The following PHF12 variants were observed in gnomAD, a reference collection of about 807,000 sequenced individuals.
PHF12 encodes the protein PHD factor 1.
Under a neutral mutation model 99.8 loss-of-function variants are expected in PHF12, and 6 were observed. The ratio of observed to expected loss-of-function variants is 0.06; its 90% CI spans 0.03 to 0.12. The LOEUF is 0.12. Ranked by LOEUF, PHF12 falls within the 10% of genes least tolerant of loss-of-function variation. The pLI is 1.00. For synonymous variants in PHF12, 480 were observed against 514.9 expected (o/e 0.93, Z 0.92); for missense variants, 954 against 1,300.1 (o/e 0.73, Z 4.09).
intron 3 of PHF12, chr17:28,925,748 T>A (rs940903473): frequency 7.9e-5 from 12 of 152,224 alleles, no homozygotes; most frequent in African/African-American, 2.9e-4. Context: ...CTTTCTAAAA[T>A]GGAAACCTAC....
chr17:28,913,287 AAGGAG>A lies in PHF12; in HGVS notation c.1294-15_1294-11del. 6.3e-7 allele frequency: 1 copy of A among 1,593,870 alleles called. No homozygotes were observed. The highest frequency in any genetic ancestry group is 1.1e-5 in the South Asian group (1 of 88,472). ...CAACACTACAGAGCCACTGCAATGG[AAGGAG>A]AGGAGAGGGGGGTGAGAAGCCTGAG... On this transcript the variant is annotated splice_polypyrimidine_tract_variant and intron_variant, in intron 8 of 14. Coordinates refer to ENST00000332830, the MANE Select transcript of PHF12 (RefSeq NM_001033561.2).
chr17:28,913,119 G>C lies in PHF12; in HGVS notation c.1452C>G (p.Asp484Glu). Residue 484 changes from aspartate to glutamate, a missense_variant, in exon 9 of 15, where the codon GAC becomes GAG. By Grantham distance (45) the Asp-to-Glu change is conservative. This residue lies in a region of PHF12 where 392 missense variants were observed against 423.1 expected (regional missense o/e 0.93). Coordinates refer to ENST00000332830, the MANE Select transcript of PHF12 (RefSeq NM_001033561.2). ...SSVTTSLQTA[D>E]KTPTPSHYPL... ...GGTAGTGGGAAGGTGTAGGTGTCTTGTCAGCTGTTTGCAGGGAGGTGGTGA... is the reference window on the plus strand; with the variant it reads ...GGTAGTGGGAAGGTGTAGGTGTCTTCTCAGCTGTTTGCAGGGAGGTGGTGA... 1 of 1,614,206 alleles carries C rather than the reference G, an allele frequency of 6.2e-7. No homozygotes were observed. Among genetic ancestry groups the C allele is most frequent in the Non-Finnish European group, 8.5e-7 (1 of 1,180,022 alleles).
At chr17:28,943,794 T>C (rs1372923587) in intron 2 of PHF12, among the ~76,000 whole-genome samples, 1 of 152,228 alleles carries the variant, frequency 6.6e-6, no homozygotes, top group African/African-American at 2.4e-5. Flanking sequence ...AATGGAATAT[T>C]GTTTAGCCAT....
Position 28,906,050 on chromosome 17 carries a change from C to T in PHF12, c.*133G>A. 1.1e-6 allele frequency: 1 copy of T among 875,792 alleles called. No individual in the cohort carries two copies. The highest frequency in any genetic ancestry group is 1.6e-6 in the Non-Finnish European group (1 of 608,090). The allele number at this position is 875,792 out of a possible 1,614,324, so 54.3% of individuals were successfully genotyped here. A position where few individuals can be genotyped will look rare whatever the true frequency, so the allele number is the denominator to read the frequency against. ...TAAAAAACAGTCAAAAGGTTTTCTTCATTTCATGCAAAGATTGTAGTTGAA... is the reference window on the plus strand; with the variant it reads ...TAAAAAACAGTCAAAAGGTTTTCTTTATTTCATGCAAAGATTGTAGTTGAA... On this transcript the variant is annotated 3_prime_UTR_variant, in exon 15 of 15. Coordinates refer to ENST00000332830, the MANE Select transcript of PHF12 (RefSeq NM_001033561.2). This position sits in a 1 kb window ranked among gnomAD's most constrained non-coding sequence, Gnocchi z 4.2.
At chr17:28,931,325 G>C (rs1370958927) in intron 2 of PHF12, among the ~76,000 whole-genome samples, 1 of 149,538 alleles carries the variant, frequency 6.7e-6, no homozygotes, top group Non-Finnish European at 1.5e-5. Flanking sequence ...GCGCGATCTT[G>C]GCTCACTGCA....
At chr17:28,920,352 C>T (rs530060665) in intron 5 of PHF12, among the ~76,000 whole-genome samples, 1 of 152,300 alleles carries the variant, frequency 6.6e-6, no homozygotes, top group African/African-American at 2.4e-5. Flanking sequence ...CCAACAAGTC[C>T]AGCTTCAGTA....
At chr17:28,914,595 C>T (rs563718851) in intron 7 of PHF12, among the ~76,000 whole-genome samples, 381 of 142,278 alleles carry the variant, frequency 2.7e-3, no homozygotes, top group Non-Finnish European at 4.3e-3. Flanking sequence ...TGGCATGAAC[C>T]CGGGAGGCGG....
At position 28,917,397 on chromosome 17, in the gene PHF12, A is replaced by C. The variant is rs531179366; in HGVS notation, c.1022T>G (p.Phe341Cys). 6.2e-7 allele frequency: 1 copy of C among 1,614,046 alleles called. No individual in the cohort carries two copies. The highest frequency in any genetic ancestry group is 1.1e-5 in the South Asian group (1 of 91,066). ...LSNRCQVFDR[F>C]QDTVSQHVVK... ...GACATGCTGCGAAACGGTGTCCTGG[A>C]AACGATCAAACACCTGGCACCGATT... Residue 341 changes from phenylalanine to cysteine, a missense_variant, in exon 7 of 15, where the codon TTC becomes TGC. Physicochemically the swap from Phe to Cys is radical, Grantham distance 205. Around this residue, in one of 8 missense-constraint regions of PHF12, gnomAD observed 85 missense variants for 196.6 expected, o/e 0.43. Coordinates refer to ENST00000332830, the MANE Select transcript of PHF12 (RefSeq NM_001033561.2).
intron 2 of PHF12, chr17:28,944,577 G>A (rs1161230758): frequency 1.1e-6 from 1 of 922,904 alleles, no homozygotes; most frequent in Non-Finnish European, 1.3e-6. Flanking sequence ...AACCTGGAAG[G>A]CGGAGATTGC....
chr17:28,951,089 C>A lies in PHF12; in HGVS notation c.-129G>T. ...TTCCCAATACGGGTCCCGACTTCCT[C>A]GCCCTGGCTCCCCCCCACCCCCCGG... is the stretch of plus-strand genomic sequence containing the variant. On this transcript the variant is annotated 5_prime_UTR_variant, in exon 1 of 15. Transcript: ENST00000332830. The A allele has an allele frequency of 6.8e-7, 1 of 1,479,696 alleles. No homozygotes were observed. The highest frequency in any genetic ancestry group is 1.3e-5 in the South Asian group (1 of 75,850). 91.7% of individuals were successfully genotyped at this position (1,479,696 alleles called of 1,614,324 possible).
chr17:28,908,698 C>G (rs2039910766), intron 12 of PHF12, 85 bp downstream of exon 12: 2 of 1,352,354 alleles, frequency 1.5e-6, no homozygotes, highest in African/African-American at 1.4e-5. Flanking sequence ...GCTTCCCTCA[C>G]CCCTTTCTAA....
intron 2 of PHF12, among the ~76,000 whole-genome samples, chr17:28,947,610 C>G (rs879937127): frequency 6.6e-6 from 1 of 151,780 alleles, no homozygotes; most frequent in Non-Finnish European, 1.5e-5. Flanking sequence ...AAAACAACAA[C>G]AAAAAAAACT....
chr17:28,910,962 C>G (rs1047107027), intron 10 of PHF12, 150 bp downstream of exon 10: 28 of 1,114,190 alleles, frequency 2.5e-5, no homozygotes, highest in Non-Finnish European at 3.1e-5. Flanking sequence ...CCCGCCCCCC[C>G]ATCCAAAAGG....
chr17:28,923,653 C>CAAAAAAAAAAAAAAAAAAAAAAAAAAAA (rs35263191), intron 4 of PHF12, among the ~76,000 whole-genome samples: 21 of 43,482 alleles, frequency 4.8e-4, no homozygotes, highest in African/African-American at 5.8e-4. Context: ...GTGAGACTCA[C>CAAAAAAAAAAAAAAAAAAAAAAAAAAAA]AAAAAAAAAA....
intron 2 of PHF12, among the ~76,000 whole-genome samples, chr17:28,937,657 G>C (rs1463788721): frequency 6.6e-6 from 1 of 152,124 alleles, no homozygotes; most frequent in African/African-American, 2.4e-5. Flanking sequence ...ACCTGGATAC[G>C]AGTGTTACTA....
At chr17:28,943,188 T>C (rs2040652001) in intron 2 of PHF12, among the ~76,000 whole-genome samples, 1 of 152,170 alleles carries the variant, frequency 6.6e-6, no homozygotes, top group African/African-American at 2.4e-5. Context: ...GTGGAGAAAT[T>C]AGAACCCTCC....
chr17:28,928,258 C>A (rs545947154), intron 2 of PHF12: 1 of 152,290 alleles, frequency 6.6e-6, no homozygotes, highest in African/African-American at 2.4e-5. Context: ...AACAGAAAAA[C>A]CACCCAGCAG....
chr17:28,917,441 C>T lies in PHF12; in HGVS notation c.978G>A (p.Gln326=), dbSNP rs1477212424. 1 of 1,607,000 alleles carries T rather than the reference C, an allele frequency of 6.2e-7. No homozygotes were observed. Among genetic ancestry groups the T allele is most frequent in the African/African-American group, 1.3e-5 (1 of 74,818 alleles). ...ACCGATTGCTCAGTGTCATATTCTT[C>T]TGGTTCAGCTAGGGACAAAGCAGAC... ...PNHIEHVVLN[Q]KNMTLSNRCQ... Residue 326 remains glutamine, a synonymous_variant, in exon 7 of 15, where the codon CAG becomes CAA. Coordinates refer to ENST00000332830, the MANE Select transcript of PHF12 (RefSeq NM_001033561.2).
intron 9 of PHF12, 159 bp from the exon 10 acceptor site, chr17:28,911,396 T>C: frequency 9.7e-7 from 1 of 1,032,850 alleles, no homozygotes; most frequent in Non-Finnish European, 1.4e-6. Flanking sequence ...TAAAAACGTG[T>C]GGTGAGGAAG....
Sources: gnomAD v4.1 joint callset for allele counts (sites outside exome capture counted in the v4.1 genomes callset) on GRCh38, gnomAD v4.1.1 for gene constraint, gnomAD v4.1.1 regional missense constraint, Gnocchi (gnomAD v3.1) non-coding constraint, MANE v1.5 for transcripts, NCBI Gene and HGNC (gene_info 2026-07-23, HGNC 2026-07-21) for gene names.